The following DYNC2I1 variants were observed in gnomAD, a reference collection of about 807,000 sequenced individuals.
DYNC2I1 encodes dynein 2 intermediate chain 1.
Under a neutral mutation model 133.4 loss-of-function variants are expected in DYNC2I1, and 89 were observed. That is an observed-to-expected ratio of 0.67 (90% CI 0.56 to 0.80). The LOEUF (loss-of-function observed/expected upper bound fraction) is 0.80. Among genes scored for constraint, DYNC2I1 ranks in the 30% least tolerant of loss-of-function variants. The pLI is 0.00. For synonymous variants in DYNC2I1, 504 were observed against 484.3 expected (o/e 1.04, Z -0.54); for missense variants, 1,291 against 1,314.5 (o/e 0.98, Z 0.28).
chr7:158,876,349 A>G (rs1055769983), intron 3 of DYNC2I1, among the ~76,000 whole-genome samples: 1 of 152,206 alleles, frequency 6.6e-6, no homozygotes, highest in Non-Finnish European at 1.5e-5. Context: ...ATTGGGGACT[A>G]CATTTCAGCG....
intron 1 of DYNC2I1, among the ~76,000 whole-genome samples, chr7:158,859,900 A>G (rs1841719984): frequency 6.6e-6 from 1 of 152,196 alleles, no homozygotes; most frequent in African/African-American, 2.4e-5. Context: ...TTAACTTTTT[A>G]GGAAGTTAAC....
downstream of DYNC2I1, among the ~76,000 whole-genome samples, chr7:158,950,460 T>C (rs1405222073): frequency 2.9e-5 from 4 of 139,546 alleles, no homozygotes; most frequent in Non-Finnish European, 6.2e-5. Context: ...GACCAGCCTC[T>C]ATACGATTCC....
chr7:158,871,197 G>A lies in DYNC2I1; in HGVS notation c.125G>A (p.Arg42His), dbSNP rs570063370. Residue 42 changes from arginine to histidine, a missense_variant, in exon 3 of 25, where the codon CGT becomes CAT. Arg to His is a conservative substitution (Grantham distance 29, BLOSUM62 0). Coordinates refer to ENST00000407559, the MANE Select transcript of DYNC2I1 (RefSeq NM_018051.5). Reference sequence around the variant, plus strand: ...AGAAAGCACAGAGAGAAGAAGCTGCGTAAGGAGTCTGAGATGGACCTTCCT... The same window carrying A: ...AGAAAGCACAGAGAGAAGAAGCTGCATAAGGAGTCTGAGATGGACCTTCCT... Reference protein sequence around the residue: ...EERKHREKKLRKESEMDLPEH... With the variant: ...EERKHREKKLHKESEMDLPEH... 17 of 1,613,780 alleles carry A rather than the reference G, an allele frequency of 1.1e-5. No individual in the cohort carries two copies. Among genetic ancestry groups the A allele is most frequent in the East Asian group, 2.2e-5 (1 of 44,858 alleles).
rs543347407 is a variant in DYNC2I1, at chr7:158,934,323, T to C, written c.2646+95T>C. The C allele has an allele frequency of 4.1e-4, 506 of 1,248,618 alleles. No homozygotes were observed. In the African/African-American group the frequency reaches 0.013, roughly 32 times the overall value. The allele number at this position is 1,248,618 out of a possible 1,614,324, so 77.3% of individuals were successfully genotyped here. A position where few individuals can be genotyped will look rare whatever the true frequency, so the allele number is the denominator to read the frequency against. On this transcript the variant is annotated intron_variant, in intron 22 of 24. Transcript: ENST00000407559. ...TTGATTTAGGATTAACTTACTCTTT[T>C]CTTTATAAAGTTTAAATTGTTTGAG...
chr7:158,851,330 C>G, the DYNC2I1 span, among the ~76,000 whole-genome samples: 1 of 152,054 alleles, frequency 6.6e-6, no homozygotes, highest in Admixed American at 6.6e-5. Context: ...CTCAGGAGTT[C>G]AAGACCAGCC....
At chr7:158,843,633 T>A in the DYNC2I1 span, among the ~76,000 whole-genome samples, 10 of 152,156 alleles carry the variant, frequency 6.6e-5, no homozygotes, top group African/African-American at 2.4e-4. Context: ...TGACCTCAAG[T>A]GATCTGCCCA....
At chr7:158,886,882 C>T (rs1290827661) in intron 6 of DYNC2I1, 139 bp from the exon 7 acceptor site, 10 of 778,096 alleles carry the variant, frequency 1.3e-5, no homozygotes, top group Non-Finnish European at 1.9e-5. Context: ...ATTACAGGTG[C>T]AAGTCATCGC....
chr7:158,926,300 G>A lies in DYNC2I1; in HGVS notation c.2371G>A (p.Glu791Lys). Residue 791 changes from glutamate (E) to lysine (K), a missense_variant and splice_region_variant, in exon 18 of 25, where the codon GAA (glutamate) becomes AAA (lysine). By Grantham distance (56) the Glu-to-Lys change is moderately conservative (BLOSUM62 1). Coordinates refer to ENST00000407559, the MANE Select transcript of DYNC2I1 (RefSeq NM_018051.5). The stretch of plus-strand genomic sequence containing the variant: ...GCTTTCACCCTTTTCTACTCAAGAA[G>A]GTACGTGATTCTTCACTTTCTTAAA... ...FVLSPFSTQEEMSGLSFHIAS... is the reference protein window; with the variant it reads ...FVLSPFSTQEKMSGLSFHIAS... 6.2e-7 allele frequency: 1 copy of A among 1,609,944 alleles called. No individual in the cohort carries two copies.
rs1847506385 is a variant in DYNC2I1, at chr7:158,911,788, T to A, written c.1590+109T>A. The A allele has an allele frequency of 4.4e-6, 6 of 1,352,032 alleles. No individual in the cohort carries two copies. In the East Asian group the frequency reaches 1.4e-4, roughly 32 times the overall value. The allele number at this position is 1,352,032 out of a possible 1,614,324, so 83.8% of individuals were successfully genotyped here. On this transcript the variant is annotated intron_variant, in intron 12 of 24. Coordinates refer to ENST00000407559, the MANE Select transcript of DYNC2I1 (RefSeq NM_018051.5). ...GCAATATTAGAACTTGGGGATGGTC[T>A]GTGAAGGATACAAGCTTAGGGAAAA...
At chr7:158,848,935 A>T in the DYNC2I1 span, among the ~76,000 whole-genome samples, 23 of 151,054 alleles carry the variant, frequency 1.5e-4, no homozygotes, top group Admixed American at 1.5e-3. Flanking sequence ...AAAAAAAAAA[A>T]TTGGGTGGAC....
intron 3 of DYNC2I1, among the ~76,000 whole-genome samples, chr7:158,874,393 C>G (rs1027852277): frequency 6.6e-6 from 1 of 152,128 alleles, no homozygotes; most frequent in Non-Finnish European, 1.5e-5. Flanking sequence ...TTAATTTTAA[C>G]AGTAGCTGTC....
At chr7:158,850,622 C>G in the DYNC2I1 span, among the ~76,000 whole-genome samples, 9 of 152,216 alleles carry the variant, frequency 5.9e-5, no homozygotes, top group African/African-American at 1.9e-4. Flanking sequence ...TTGCTCGGGA[C>G]AAATCCTCCA....
At chr7:158,869,724 G>A in intron 1 of DYNC2I1, 131 bp from the exon 2 acceptor site, 1 of 644,852 alleles carries the variant, frequency 1.6e-6, no homozygotes, top group East Asian at 2.8e-5. Context: ...TATTCCAGGA[G>A]GTAGAGAAGT....
chr7:158,903,166 G>C (rs1018067301), intron 10 of DYNC2I1: 1 of 152,334 alleles, frequency 6.6e-6, no homozygotes, highest in Non-Finnish European at 1.5e-5. Context: ...TCAAGTCTTG[G>C]GACACAGCTG....
chr7:158,950,326 A>G (rs962366054), downstream of DYNC2I1, among the ~76,000 whole-genome samples: 4 of 152,224 alleles, frequency 2.6e-5, no homozygotes, highest in Admixed American at 2.6e-4. Flanking sequence ...TGGCCTCCCG[A>G]AGTGCTGGGA....
At chr7:158,863,795 C>T (rs1430937526) in intron 1 of DYNC2I1, among the ~76,000 whole-genome samples, 3 of 86,248 alleles carry the variant, frequency 3.5e-5, no homozygotes, top group Admixed American at 1.3e-4. Flanking sequence ...CGGGGGGGAG[C>T]GGGACGTCCT....
At chr7:158,856,538 C>G (rs137870652), upstream of DYNC2I1, 1,297 of 468,902 alleles carry the variant, frequency 2.8e-3, 31 homozygotes, top group East Asian at 0.042. Context: ...CTAAAAATGC[C>G]GGGGATGCGC....
intron 11 of DYNC2I1, among the ~76,000 whole-genome samples, chr7:158,906,553 G>T (rs1846838127): frequency 6.6e-6 from 1 of 152,144 alleles, no homozygotes; most frequent in Non-Finnish European, 1.5e-5. Flanking sequence ...CTGCCTCCCG[G>T]GTTCAAGTGA....
At chr7:158,874,507 C>A (rs534115350) in intron 3 of DYNC2I1, among the ~76,000 whole-genome samples, 1 of 152,198 alleles carries the variant, frequency 6.6e-6, no homozygotes, top group African/African-American at 2.4e-5. Flanking sequence ...GCTGCCTGCT[C>A]ATTTTTTCAG....
Sources: allele counts gnomAD v4.1 joint callset (sites outside exome capture counted in the v4.1 genomes callset), GRCh38; gene constraint gnomAD v4.1.1; transcripts MANE v1.5; gene names NCBI Gene and HGNC (gene_info 2026-07-23, HGNC 2026-07-21).